SLC24A2: variants seen among roughly 807,000 people sequenced by gnomAD.
SLC24A2 encodes solute carrier family 24 member 2, also known as sodium/potassium/calcium exchanger 2.
Under a neutral mutation model 62.0 loss-of-function variants are expected in SLC24A2, and 36 were observed. The ratio of observed to expected loss-of-function variants is 0.58; its 90% CI spans 0.44 to 0.77. The LOEUF is 0.77. Ranked by LOEUF, SLC24A2 falls within the 30% of genes least tolerant of loss-of-function variation. The pLI is 0.00. For synonymous variants in SLC24A2, 358 were observed against 294.0 expected, an observed-to-expected ratio of 1.22 and a Z score of -2.23; for missense variants, 846 against 817.9, an observed-to-expected ratio of 1.03 and a Z score of -0.42.
chr9:19,869,331 C>G, the SLC24A2 span, among the ~76,000 whole-genome samples: 1 of 152,186 alleles, frequency 6.6e-6, no homozygotes, highest in Non-Finnish European at 1.5e-5. Flanking sequence ...TTCGTATCTT[C>G]TGGCCTCCAC....
chr9:19,634,281 CTTTTTTTTTTTTTTT>C (rs35884916), intron 2 of SLC24A2, among the ~76,000 whole-genome samples: 5 of 79,296 alleles, frequency 6.3e-5, no homozygotes, highest in South Asian at 5.9e-4. Context: ...ACTGCAGCCT[CTTTTTTTTTTTTTTT>C]TTTTTTTTTG....
chr9:19,786,083 T>C lies in SLC24A2; in HGVS notation c.784A>G (p.Met262Val). The change falls in exon 2 of 11, where the codon ATG (methionine) becomes GTG (valine). Residue 262 changes from methionine to valine, a missense_variant. Coordinates refer to ENST00000341998, the MANE Select transcript of SLC24A2 (RefSeq NM_020344.4). This position sits in a 1 kb window ranked among gnomAD's most constrained non-coding sequence, Gnocchi z 5.0. ...LIIFFLDNVI[M>V]WWESLLLLTA... ...AAGAGAAGCAAGCTTTCCCACCACA[T>C]GATGACATTATCCAGGAAAAATATG... 1 of 1,614,170 alleles carries C rather than the reference T, an allele frequency of 6.2e-7. No individual in the cohort carries two copies. The highest frequency in any genetic ancestry group is 8.5e-7 in the Non-Finnish European group (1 of 1,180,038).
At chr9:19,943,533 C>T in the SLC24A2 span, among the ~76,000 whole-genome samples, 1 of 152,050 alleles carries the variant, frequency 6.6e-6, no homozygotes, top group South Asian at 2.1e-4. Flanking sequence ...TGCTTTTGAG[C>T]CCTGCAACTG....
the SLC24A2 span, among the ~76,000 whole-genome samples, chr9:19,878,299 G>A: frequency 1.3e-5 from 2 of 152,186 alleles, no homozygotes; most frequent in Non-Finnish European, 2.9e-5. Context: ...CTAGGGGAAG[G>A]ATTGGATGCA....
the SLC24A2 span, among the ~76,000 whole-genome samples, chr9:19,940,465 A>G: frequency 6.6e-6 from 1 of 152,116 alleles, no homozygotes; most frequent in Non-Finnish European, 1.5e-5. Flanking sequence ...GTATGTTCTT[A>G]TTGAGTGTCA....
the SLC24A2 span, among the ~76,000 whole-genome samples, chr9:19,805,572 T>C: frequency 6.6e-6 from 1 of 152,198 alleles, no homozygotes; most frequent in South Asian, 2.1e-4. Flanking sequence ...AACCTTTGAA[T>C]AGTACCTGAC....
the SLC24A2 span, among the ~76,000 whole-genome samples, chr9:20,053,062 T>G: frequency 6.6e-6 from 1 of 152,206 alleles, no homozygotes; most frequent in Non-Finnish European, 1.5e-5. Context: ...CTGACTGAGA[T>G]ATGACAAATC....
chr9:19,803,470 C>G, the SLC24A2 span, among the ~76,000 whole-genome samples: 2 of 152,074 alleles, frequency 1.3e-5, no homozygotes, highest in African/African-American at 4.8e-5. Context: ...CCTTACTGGA[C>G]TTTACATAGT....
At chr9:20,098,623 G>C in the SLC24A2 span, among the ~76,000 whole-genome samples, 9 of 152,124 alleles carry the variant, frequency 5.9e-5, no homozygotes, top group Non-Finnish European at 1.2e-4. Context: ...ATACTAACTG[G>C]CCACTTCCCC....
intron 2 of SLC24A2, among the ~76,000 whole-genome samples, chr9:19,672,191 A>G (rs1819441668): frequency 6.8e-6 from 1 of 146,016 alleles, no homozygotes; most frequent in Admixed American, 6.7e-5. Context: ...TTTATTGGCA[A>G]TTTCAAAATT....
chr9:20,258,367 C>T, the SLC24A2 span, among the ~76,000 whole-genome samples: 1 of 152,150 alleles, frequency 6.6e-6, no homozygotes, highest in Non-Finnish European at 1.5e-5. Flanking sequence ...TTGGGCTGCC[C>T]CAGGTTTATC....
chr9:19,546,962 C>G (rs1014353968), intron 8 of SLC24A2, among the ~76,000 whole-genome samples: 2 of 152,074 alleles, frequency 1.3e-5, no homozygotes, highest in Non-Finnish European at 2.9e-5. Flanking sequence ...CCTTGCACTT[C>G]CTGGGTGAGG....
At chr9:20,291,020 C>G in the SLC24A2 span, among the ~76,000 whole-genome samples, 1 of 152,154 alleles carries the variant, frequency 6.6e-6, no homozygotes, top group Non-Finnish European at 1.5e-5. Flanking sequence ...GGATTTCAGC[C>G]CCACTCACCC....
the SLC24A2 span, among the ~76,000 whole-genome samples, chr9:19,831,912 T>C: frequency 6.6e-6 from 1 of 152,268 alleles, no homozygotes; most frequent in Non-Finnish European, 1.5e-5. Flanking sequence ...GTAAACATTT[T>C]GCTCATGATA....
chr9:19,967,863 T>C, the SLC24A2 span: 1 of 152,182 alleles, frequency 6.6e-6, no homozygotes, highest in Non-Finnish European at 1.5e-5. Flanking sequence ...CATGGAAATT[T>C]TGGGTTGATT....
the SLC24A2 span, among the ~76,000 whole-genome samples, chr9:20,221,939 A>C: frequency 1.3e-5 from 2 of 152,080 alleles, no homozygotes; most frequent in Non-Finnish European, 1.5e-5. Context: ...TTAGAAGAAA[A>C]GTGAACCCAG....
chr9:19,656,170 T>A (rs2118201384), intron 2 of SLC24A2, among the ~76,000 whole-genome samples: 1 of 152,366 alleles, frequency 6.6e-6, no homozygotes. Flanking sequence ...TAGAGAGAGC[T>A]TTTATTGAAG....
the SLC24A2 span, among the ~76,000 whole-genome samples, chr9:20,238,890 G>C: frequency 6.6e-6 from 1 of 152,184 alleles, no homozygotes; most frequent in Non-Finnish European, 1.5e-5. Context: ...GAGGAAAAGA[G>C]AGATCTCCTT....
the SLC24A2 span, among the ~76,000 whole-genome samples, chr9:20,241,186 C>A: frequency 1.3e-5 from 2 of 152,212 alleles, no homozygotes; most frequent in African/African-American, 4.8e-5. Context: ...GGTGTTAACA[C>A]TGAAGTTTTC....
Sources: allele counts gnomAD v4.1 joint callset (sites outside exome capture counted in the v4.1 genomes callset), GRCh38; gene constraint gnomAD v4.1.1; non-coding constraint Gnocchi (gnomAD v3.1); transcripts MANE v1.5; gene names NCBI Gene and HGNC (gene_info 2026-07-23, HGNC 2026-07-21).